The following RBM47 variants were observed in gnomAD, a reference collection of about 807,000 sequenced individuals.
The protein encoded by RBM47 is RNA-binding protein 47.
A neutral mutation model predicts 47.1 loss-of-function variants in RBM47; 21 were observed. The observed-to-expected ratio is 0.45, with a 90% CI of 0.32 to 0.64. The LOEUF (loss-of-function observed/expected upper bound fraction) is 0.64, where lower values mean the gene tolerates loss of function less well. Ranked by LOEUF, RBM47 falls within the 30% of genes least tolerant of loss-of-function variation. RBM47 has a pLI of 0.05. For missense variants in RBM47, 708 were observed against 870.9 expected, an observed-to-expected ratio of 0.81 and a Z score of 2.35; for synonymous variants, 375 against 361.7, an observed-to-expected ratio of 1.04 and a Z score of -0.42.
chr4:40,629,292 A>G (rs7664412), intron 1 of RBM47, 104 bp downstream of exon 1: 109,931 of 151,980 alleles, frequency 0.72, 40,332 homozygotes, highest in African/African-American at 0.82. Context: ...GAGGGATAAG[A>G]GCTAAAGAGA....
intron 1 of RBM47, among the ~76,000 whole-genome samples, chr4:40,592,304 G>C (rs1734222169): frequency 6.7e-6 from 1 of 149,684 alleles, no homozygotes; most frequent in African/African-American, 2.5e-5. Flanking sequence ...GCTCAGGCTA[G>C]AGTGCAGTGG....
intron 1 of RBM47, among the ~76,000 whole-genome samples, chr4:40,563,890 A>T (rs1391660058): frequency 1.3e-5 from 2 of 152,296 alleles, no homozygotes; most frequent in Admixed American, 1.3e-4. Context: ...AGTCTCTAAA[A>T]AGCTAAGCAA....
chr4:40,615,139 T>A (rs1736607241), intron 1 of RBM47, among the ~76,000 whole-genome samples: 1 of 151,558 alleles, frequency 6.6e-6, no homozygotes, highest in South Asian at 2.1e-4. Context: ...AAAATAATAA[T>A]AATAAAAATA....
chr4:40,483,422 G>T (rs6840478), intron 2 of RBM47, among the ~76,000 whole-genome samples: 1 of 152,218 alleles, frequency 6.6e-6, no homozygotes, highest in African/African-American at 2.4e-5. Context: ...GAGCGAGACA[G>T]GCAGGGGTCA....
intron 1 of RBM47, among the ~76,000 whole-genome samples, chr4:40,569,416 T>A (rs1731457137): frequency 6.6e-6 from 1 of 151,354 alleles, no homozygotes; most frequent in Non-Finnish European, 1.5e-5. Context: ...TTCTCATTTT[T>A]TTTTTTTTTT....
chr4:40,583,019 G>C (rs1430607488), intron 1 of RBM47, among the ~76,000 whole-genome samples: 1 of 152,154 alleles, frequency 6.6e-6, no homozygotes, highest in Non-Finnish European at 1.5e-5. Flanking sequence ...AATCAAACTA[G>C]TAGAGTAAGT....
intron 6 of RBM47, among the ~76,000 whole-genome samples, chr4:40,431,712 C>T (rs1318346541): frequency 2.0e-5 from 3 of 149,322 alleles, no homozygotes; most frequent in African/African-American, 7.4e-5. Context: ...GGGAAAGATT[C>T]TATGGAAGAG....
At chr4:40,464,604 A>C (rs1212591911) in intron 3 of RBM47, among the ~76,000 whole-genome samples, 1 of 152,078 alleles carries the variant, frequency 6.6e-6, no homozygotes, top group Admixed American at 6.5e-5. Context: ...ACTGTATATG[A>C]AAATTAAACA....
chr4:40,459,732 TTTCTTTCTTTC>T (rs1355494745), intron 3 of RBM47, among the ~76,000 whole-genome samples: 1 of 152,060 alleles, frequency 6.6e-6, no homozygotes, highest in Non-Finnish European at 1.5e-5. Flanking sequence ...GGAGTTGGCA[TTTCTTTCTTTC>T]TTCTTTCTTT....
At chr4:40,464,006 T>C (rs959731084) in intron 3 of RBM47, among the ~76,000 whole-genome samples, 8 of 152,126 alleles carry the variant, frequency 5.3e-5, no homozygotes, top group Admixed American at 1.3e-4. Flanking sequence ...ATTAGCCCAA[T>C]GATTCCATTT....
chr4:40,509,308 C>G (rs2154252753), intron 2 of RBM47, among the ~76,000 whole-genome samples: 1 of 152,100 alleles, frequency 6.6e-6, no homozygotes, highest in African/African-American at 2.4e-5. Context: ...TTCCAAATAA[C>G]TGAATTTACT....
intron 2 of RBM47, among the ~76,000 whole-genome samples, chr4:40,479,595 A>AAAATAAAT (rs549953610): frequency 0.04 from 6,002 of 151,416 alleles, 187 homozygotes; most frequent in South Asian, 0.11. Flanking sequence ...TCCTGTCTCA[A>AAAATAAAT]AAATAAATAA....
intron 2 of RBM47, among the ~76,000 whole-genome samples, chr4:40,528,035 A>G (rs1233353092): frequency 6.6e-6 from 1 of 152,210 alleles, no homozygotes; most frequent in Non-Finnish European, 1.5e-5. Flanking sequence ...TTCAACAAAT[A>G]CTTACGAAGT....
intron 6 of RBM47, 70 bp from the exon 7 acceptor site, chr4:40,426,213 G>A: frequency 6.5e-7 from 1 of 1,540,054 alleles, no homozygotes; most frequent in Non-Finnish European, 8.8e-7. Flanking sequence ...CATTCAACAA[G>A]CCTCTCCCAG....
At chr4:40,615,696 G>A (rs1484930713) in intron 1 of RBM47, among the ~76,000 whole-genome samples, 5 of 151,778 alleles carry the variant, frequency 3.3e-5, no homozygotes, top group African/African-American at 1.2e-4. Flanking sequence ...CAGGAGAATC[G>A]CTTGAACCTG....
At chr4:40,442,026 A>C (rs1713731983) in intron 3 of RBM47, among the ~76,000 whole-genome samples, 1 of 152,190 alleles carries the variant, frequency 6.6e-6, no homozygotes, top group Admixed American at 6.5e-5. Context: ...TGTAGGGGAC[A>C]TTACAACACA....
At chr4:40,486,069 C>CAAAAAAAAAAAAAA (rs201408070) in intron 2 of RBM47, among the ~76,000 whole-genome samples, 7 of 62,818 alleles carry the variant, frequency 1.1e-4, no homozygotes, top group East Asian at 4.4e-4. Flanking sequence ...AACCCTGTTT[C>CAAAAAAAAAAAAAA]AAAAAAAAAA....
chr4:40,502,807 C>T (rs1723549497), intron 2 of RBM47, among the ~76,000 whole-genome samples: 1 of 152,000 alleles, frequency 6.6e-6, no homozygotes, highest in Non-Finnish European at 1.5e-5. Context: ...AATCATATTG[C>T]TGTACTCCAG....
chr4:40,484,300 T>G (rs1720803676), intron 2 of RBM47, among the ~76,000 whole-genome samples: 1 of 152,194 alleles, frequency 6.6e-6, no homozygotes, highest in African/African-American at 2.4e-5. Flanking sequence ...TCAGCAAAAT[T>G]TTAATGATTT....
Sources: allele counts gnomAD v4.1 joint callset (sites outside exome capture counted in the v4.1 genomes callset), GRCh38; gene constraint gnomAD v4.1.1; transcripts MANE v1.5; gene names NCBI Gene and HGNC (gene_info 2026-07-23, HGNC 2026-07-21).